Variants in FMN2 observed in about 807,000 individuals in gnomAD.
FMN2 encodes formin 2, also known as formin-2.
In FMN2, 51 loss-of-function variants were observed where a neutral mutation model predicts 142.3. The observed-to-expected ratio is 0.36, with a 90% CI of 0.29 to 0.45. The LOEUF is 0.45. FMN2 is among the 20% of genes least tolerant of loss of function. FMN2 has a pLI of 1.00. For missense variants in FMN2, 1,936 were observed against 2,122.8 expected (o/e 0.91, Z 1.73); for synonymous variants, 882 against 869.8 (o/e 1.01, Z -0.25).
intron 1 of FMN2, among the ~76,000 whole-genome samples, chr1:240,107,638 A>G (rs546640275): frequency 2.6e-4 from 39 of 152,250 alleles, no homozygotes; most frequent in African/African-American, 9.1e-4. Flanking sequence ...TATGTGTTCT[A>G]TGATATTCTT....
intron 16 of FMN2, among the ~76,000 whole-genome samples, chr1:240,454,888 G>A (rs1676188174): frequency 1.3e-5 from 2 of 152,066 alleles, no homozygotes; most frequent in Admixed American, 6.5e-5. Context: ...AATGTCATGG[G>A]CCAACAAATG....
chr1:240,151,140 T>G (rs1663753697), intron 2 of FMN2, among the ~76,000 whole-genome samples: 1 of 152,212 alleles, frequency 6.6e-6, no homozygotes, highest in Non-Finnish European at 1.5e-5. Flanking sequence ...CTCTACTTTA[T>G]TCTATTGAAG....
chr1:240,140,538 G>A (rs1327199928), intron 2 of FMN2, among the ~76,000 whole-genome samples: 1 of 152,056 alleles, frequency 6.6e-6, no homozygotes, highest in African/African-American at 2.4e-5. Flanking sequence ...TATATAGTCT[G>A]TAAAATGACT....
At position 240,172,671 on chromosome 1, in the gene FMN2, A is replaced by G. The variant is rs181985304; in HGVS notation, c.1783-5250A>G. ...GAGGTTTGCTTAGGGGGGAGCAATG[A>G]ATATATCTTAGGAATTTTATCTATT... is the stretch of plus-strand genomic sequence containing the variant. On this transcript the variant is annotated intron_variant, in intron 2 of 17. Transcript: ENST00000319653. Among the ~76,000 whole-genome samples, 13 of 152,238 alleles carry G rather than the reference A, an allele frequency of 8.5e-5. No individual in the cohort carries two copies. The East Asian group carries it at 2.5e-3, about 29-fold the overall frequency.
At chr1:240,194,548 G>A (rs1008383343) in intron 4 of FMN2, among the ~76,000 whole-genome samples, 13 of 152,162 alleles carry the variant, frequency 8.5e-5, no homozygotes, top group African/African-American at 3.1e-4. Context: ...AACTGCAAGG[G>A]TTCATTAGTG....
intron 6 of FMN2, among the ~76,000 whole-genome samples, chr1:240,253,484 C>A (rs1397563560): frequency 1.3e-5 from 2 of 152,062 alleles, no homozygotes; most frequent in Non-Finnish European, 2.9e-5. Context: ...ATTTCTCATT[C>A]ATATCCTAAA....
intron 4 of FMN2, among the ~76,000 whole-genome samples, chr1:240,201,362 G>A (rs1666114482): frequency 6.6e-6 from 1 of 152,232 alleles, no homozygotes; most frequent in Non-Finnish European, 1.5e-5. Flanking sequence ...AGGGTTTCTT[G>A]AAGTCAGAGA....
intron 15 of FMN2, among the ~76,000 whole-genome samples, chr1:240,402,721 A>G (rs1021627919): frequency 5.3e-5 from 8 of 152,214 alleles, no homozygotes; most frequent in Non-Finnish European, 1.0e-4. Context: ...TTTATTTCCT[A>G]CAGAGTCACT....
At chr1:240,287,576 T>C (rs952844291) in intron 7 of FMN2, among the ~76,000 whole-genome samples, 16 of 152,216 alleles carry the variant, frequency 1.1e-4, no homozygotes, top group Non-Finnish European at 1.0e-4. Flanking sequence ...TCTATGTTAC[T>C]ATCAGTACAA....
chr1:240,365,829 A>G (rs1468835121), intron 14 of FMN2, among the ~76,000 whole-genome samples: 1 of 152,192 alleles, frequency 6.6e-6, no homozygotes, highest in Admixed American at 6.5e-5. Flanking sequence ...ACTGTTACTC[A>G]TGCCTTAATG....
At chr1:240,105,733 A>C (rs902144486) in intron 1 of FMN2, among the ~76,000 whole-genome samples, 9 of 152,180 alleles carry the variant, frequency 5.9e-5, no homozygotes, top group Non-Finnish European at 7.3e-5. Flanking sequence ...TAAGGTAAAG[A>C]AATGTTTTCA....
chr1:240,406,044 CG>C (rs1674150391), intron 15 of FMN2, among the ~76,000 whole-genome samples: 1 of 36,052 alleles, frequency 2.8e-5, no homozygotes, highest in Non-Finnish European at 5.8e-5. Context: ...CGTCAGGAGT[CG>C]GGGAAGCGAA....
intron 14 of FMN2, among the ~76,000 whole-genome samples, chr1:240,382,682 A>G (rs1018190092): frequency 3.3e-5 from 5 of 152,108 alleles, no homozygotes; most frequent in African/African-American, 7.2e-5. Context: ...AAAAATGACC[A>G]TACTGTTCAA....
intron 7 of FMN2, among the ~76,000 whole-genome samples, chr1:240,272,966 G>C (rs1323297295): frequency 6.6e-6 from 1 of 152,146 alleles, no homozygotes; most frequent in African/African-American, 2.4e-5. Context: ...AATGGAAAAA[G>C]CACAGTTTCC....
intron 7 of FMN2, among the ~76,000 whole-genome samples, chr1:240,259,087 G>A (rs1668540459): frequency 6.6e-6 from 1 of 152,168 alleles, no homozygotes; most frequent in African/African-American, 2.4e-5. Flanking sequence ...TTGTTTTGAT[G>A]GGGAGGAGAC....
chr1:240,394,797 G>A (rs919417862), intron 15 of FMN2, among the ~76,000 whole-genome samples: 2 of 151,912 alleles, frequency 1.3e-5, no homozygotes, highest in Admixed American at 6.6e-5. Flanking sequence ...GTGAAACCCC[G>A]TCTCTACTAA....
intron 8 of FMN2, among the ~76,000 whole-genome samples, chr1:240,328,559 TTTTA>T (rs200121171): frequency 0.17 from 23,180 of 140,158 alleles, 2,145 homozygotes; most frequent in African/African-American, 0.25. Flanking sequence ...TTACACTTTA[TTTTA>T]TTTATTTATT....
At chr1:240,144,121 ACAG>A (rs1482911435) in intron 2 of FMN2, 7 of 1,206,684 alleles carry the variant, frequency 5.8e-6, no homozygotes, top group Non-Finnish European at 8.7e-6. Flanking sequence ...TCCACATCCC[ACAG>A]CAGCAGCATC....
At chr1:240,334,251 A>T in intron 13 of FMN2, 22 bp downstream of exon 13, 2 of 1,567,274 alleles carry the variant, frequency 1.3e-6, no homozygotes, top group Non-Finnish European at 8.6e-7. Flanking sequence ...TCCTGAACTC[A>T]TGTTTTCTGT....
Sources: gnomAD v4.1 joint callset for allele counts (sites outside exome capture counted in the v4.1 genomes callset) on GRCh38, gnomAD v4.1.1 for gene constraint, MANE v1.5 for transcripts, NCBI Gene and HGNC (gene_info 2026-07-23, HGNC 2026-07-21) for gene names.